TENM4: variants seen among roughly 807,000 people sequenced by gnomAD.
TENM4 encodes the protein teneurin transmembrane protein 4, also known as teneurin-4.
Under a neutral mutation model 243.3 loss-of-function variants are expected in TENM4, and 82 were observed. The observed-to-expected ratio is 0.34, with a 90% confidence interval of 0.28 to 0.40. The LOEUF (loss-of-function observed/expected upper bound fraction) is 0.40. Ranked by LOEUF, TENM4 falls within the 10% of genes least tolerant of loss-of-function variation. TENM4 has a pLI of 1.00. For missense variants in TENM4, 3,138 were observed against 3,673.3 expected (o/e 0.85, Z 3.77); for synonymous variants, 1,412 against 1,456.3 (o/e 0.97, Z 0.69).
At chr11:79,054,220 G>A (rs967709377) in intron 6 of TENM4, among the ~76,000 whole-genome samples, 3 of 152,142 alleles carry the variant, frequency 2.0e-5, no homozygotes, top group Non-Finnish European at 4.4e-5. Context: ...AGAGGAGAGA[G>A]GAGAGATGTA....
chr11:78,708,984 T>TTTTTTTTTAA (rs59432159), intron 26 of TENM4, among the ~76,000 whole-genome samples: 3 of 145,314 alleles, frequency 2.1e-5, no homozygotes, highest in African/African-American at 8.0e-5. Context: ...TTTTTTTTTT[T>TTTTTTTTTAA]AAAAAAAGAG....
chr11:78,948,651 G>A (rs377069204), intron 6 of TENM4, among the ~76,000 whole-genome samples: 131 of 152,220 alleles, frequency 8.6e-4, no homozygotes, highest in Middle Eastern at 6.9e-3. Context: ...GATTACAGGC[G>A]TGAGCCACTG....
chr11:79,256,963 G>C (rs1331918522), intron 2 of TENM4, among the ~76,000 whole-genome samples: 2 of 152,188 alleles, frequency 1.3e-5, no homozygotes, highest in African/African-American at 2.4e-5. Flanking sequence ...GTCAGGATCA[G>C]TGACAAAGTC....
intron 6 of TENM4, chr11:79,014,661 T>G (rs1249773230): frequency 1.3e-5 from 2 of 152,222 alleles, no homozygotes; most frequent in Non-Finnish European, 2.9e-5. Flanking sequence ...TCCAGGATCC[T>G]GGGTGATGCA....
chr11:79,011,349 G>A (rs949831847), intron 6 of TENM4, among the ~76,000 whole-genome samples: 1 of 152,184 alleles, frequency 6.6e-6, no homozygotes, highest in Non-Finnish European at 1.5e-5. Context: ...GTCCTTTCAG[G>A]TATCTGCATT....
intron 3 of TENM4, among the ~76,000 whole-genome samples, chr11:79,197,342 G>GTT (rs72366488): frequency 1.6e-5 from 1 of 62,880 alleles, no homozygotes. Flanking sequence ...TCACCTGGAA[G>GTT]TTTTTTTTTT....
intron 3 of TENM4, among the ~76,000 whole-genome samples, chr11:79,192,487 G>A (rs1173982912): frequency 6.6e-6 from 1 of 152,152 alleles, no homozygotes; most frequent in African/African-American, 2.4e-5. Context: ...TGTGCTCTCT[G>A]AAACATGTGC....
chr11:78,896,134 C>T (rs527786684), intron 7 of TENM4, among the ~76,000 whole-genome samples: 14 of 152,334 alleles, frequency 9.2e-5, no homozygotes, highest in East Asian at 5.8e-4. Context: ...CCCTGATCAA[C>T]GGTTCACCCT....
intron 6 of TENM4, among the ~76,000 whole-genome samples, chr11:78,948,488 C>T (rs1027449756): frequency 2.0e-5 from 3 of 151,804 alleles, no homozygotes; most frequent in Non-Finnish European, 2.9e-5. Context: ...CAGTCTCCTG[C>T]CTTAGCCTCC....
At position 79,191,724 on chromosome 11, in the gene TENM4, C is replaced by G. The variant is rs920049903; in HGVS notation, c.-163+24084G>C. ...AGCCCATCGTCTGAGATGTGGGGAG[C>G]GCCTCTGCCCCGCCGCCCCATCTGG... On this transcript the variant is annotated intron_variant, in intron 3 of 33. Transcript: ENST00000278550. The G allele has an allele frequency of 2.7e-5, 5 of 184,012 alleles. No individual in the cohort carries two copies. The South Asian group carries it at 2.9e-4, about 11-fold the overall frequency. 11.4% of individuals were successfully genotyped at this position (184,012 alleles called of 1,614,324 possible).
At chr11:79,063,702 A>C (rs1565188186) in intron 6 of TENM4, among the ~76,000 whole-genome samples, 1 of 152,172 alleles carries the variant, frequency 6.6e-6, no homozygotes, top group Non-Finnish European at 1.5e-5. Context: ...AGCCCCTCAG[A>C]ATTCTGCCAG....
chr11:79,158,460 G>T (rs1392703132), intron 3 of TENM4, among the ~76,000 whole-genome samples: 4 of 152,090 alleles, frequency 2.6e-5, no homozygotes, highest in Admixed American at 6.5e-5. Context: ...AAGCCTCCAG[G>T]TCCTTACCTG....
In TENM4 at chr11:78,726,099, T is replaced by C; in HGVS notation, c.3530A>G (p.His1177Arg). 1 of 1,614,028 alleles carries C rather than the reference T, an allele frequency of 6.2e-7. No individual in the cohort carries two copies. The highest frequency in any genetic ancestry group is 8.5e-7 in the Non-Finnish European group (1 of 1,179,890). ...KLGGWSLDKH[H>R]ALNIQSGILH... ...CTTACCACTTTGAATGTTGAGGGCA[T>C]GATGTTTGTCTAGGCTCCATCCTCC... Residue 1177 changes from histidine to arginine, a missense_variant, in exon 23 of 34, where the codon CAT (histidine) becomes CGT (arginine). By Grantham distance (29) the His-to-Arg change is conservative. This residue lies in a region of TENM4 where 2,467 missense variants were observed against 3,059.1 expected (regional missense o/e 0.81). Coordinates refer to ENST00000278550, the MANE Select transcript of TENM4 (RefSeq NM_001098816.3).
At chr11:79,390,951 A>G (rs565910) in intron 1 of TENM4, among the ~76,000 whole-genome samples, 77,183 of 152,074 alleles carry the variant, frequency 0.51, 19,703 homozygotes, top group Non-Finnish European at 0.55. Flanking sequence ...TATTTTATTA[A>G]GGAGGTTCAT....
At chr11:79,413,031 G>A (rs572777808) in intron 1 of TENM4, among the ~76,000 whole-genome samples, 15 of 152,214 alleles carry the variant, frequency 9.9e-5, no homozygotes, top group Non-Finnish European at 2.2e-4. Flanking sequence ...GTTACAGCAT[G>A]TCCTAATGAT....
chr11:79,359,132 G>A (rs1206764826), intron 1 of TENM4, among the ~76,000 whole-genome samples: 1 of 152,094 alleles, frequency 6.6e-6, no homozygotes, highest in Admixed American at 6.6e-5. Context: ...TGTGCATGGT[G>A]TTGCATACCT....
chr11:79,258,485 G>T (rs1855738666), intron 2 of TENM4, among the ~76,000 whole-genome samples: 1 of 152,098 alleles, frequency 6.6e-6, no homozygotes. Flanking sequence ...TCCTTCCTTG[G>T]TAAGGGCCAG....
At chr11:79,434,978 C>T (rs1010622165) in intron 1 of TENM4, among the ~76,000 whole-genome samples, 1 of 152,078 alleles carries the variant, frequency 6.6e-6, no homozygotes, top group African/African-American at 2.4e-5. Context: ...CATACTATAA[C>T]ATTGGGGGTC....
At chr11:79,019,802 C>T (rs1434615483) in intron 6 of TENM4, among the ~76,000 whole-genome samples, 1 of 152,134 alleles carries the variant, frequency 6.6e-6, no homozygotes, top group Admixed American at 6.6e-5. Flanking sequence ...AATTAGAAGG[C>T]AGCATTGGGA....
Sources: gnomAD v4.1 joint callset for allele counts (sites outside exome capture counted in the v4.1 genomes callset) on GRCh38, gnomAD v4.1.1 for gene constraint, gnomAD v4.1.1 regional missense constraint, MANE v1.5 for transcripts, NCBI Gene and HGNC (gene_info 2026-07-23, HGNC 2026-07-21) for gene names.